The following DLG4 variants were observed in gnomAD, a reference collection of about 807,000 sequenced individuals.
The protein encoded by DLG4 is discs large MAGUK scaffold protein 4.
A neutral mutation model predicts 93.8 loss-of-function variants in DLG4; 7 were observed. The observed-to-expected ratio is 0.07, with a 90% confidence interval of 0.04 to 0.14. The LOEUF (loss-of-function observed/expected upper bound fraction) is 0.14. Among genes scored for constraint, DLG4 ranks in the 10% least tolerant of loss-of-function variants. The pLI is 1.00. For missense variants in DLG4, 545 were observed against 992.9 expected (o/e 0.55, Z 6.06); for synonymous variants, 341 against 387.6 (o/e 0.88, Z 1.41).
chr17:7,209,025 G>A (rs2070607145), intron 1 of DLG4, among the ~76,000 whole-genome samples: 1 of 152,184 alleles, frequency 6.6e-6, no homozygotes, highest in Non-Finnish European at 1.5e-5. Context: ...GCATGGGCTG[G>A]GGGAGGAAGG....
In DLG4 at chr17:7,194,402, A is replaced by G; in HGVS notation, c.1395T>C (p.Ala465=). Residue 465 remains alanine (A), a synonymous_variant, in exon 12 of 20, where the codon GCT becomes GCC. Coordinates refer to ENST00000399506, the MANE Select transcript of DLG4 (RefSeq NM_001321075.3). This position sits in a 1 kb window ranked among gnomAD's most constrained non-coding sequence, Gnocchi z 4.4. The part of the protein sequence containing the change: ...RFGDVLHVID[A]SDEEWWQARR... ...GTGCCTGCCACCACTCCTCATCACT[A>G]GCATCGATGACATGCAGCACATCCC... 6.2e-7 allele frequency: 1 copy of G among 1,613,016 alleles called. No individual in the cohort carries two copies. The highest frequency in any genetic ancestry group is 1.1e-5 in the South Asian group (1 of 90,780).
chr17:7,217,593 G>T lies in DLG4; in HGVS notation c.-446C>A. ...GTTGGAAACGGCAGCGGCCGAGGGA[G>T]CCGTGGAGCCGAAGAGGGAAGGGGA... On this transcript the variant is annotated 5_prime_UTR_variant, in exon 1 of 20. Transcript: ENST00000399506. 3.6e-6 allele frequency: 5 copies of T among 1,388,100 alleles called. No individual in the cohort carries two copies. The highest frequency in any genetic ancestry group is 4.7e-6 in the Non-Finnish European group (5 of 1,064,678). The allele number at this position is 1,388,100 out of a possible 1,614,324, so 86.0% of individuals were successfully genotyped here.
rs1399615004 is a variant in DLG4 at position 7,187,971 on chromosome 17, G to A, written c.*2737C>T. ...TGTAATCCCAGCTACTTGGGAAGCT[G>A]AGGCAGGAGAATCACTTGAACCCTG... On this transcript the variant is annotated 3_prime_UTR_variant, in exon 20 of 20. Transcript: ENST00000399506. 1.3e-5 allele frequency among the ~76,000 whole-genome samples: 2 copies of A among 151,902 alleles called. No homozygotes were observed. The highest frequency in any genetic ancestry group is 2.9e-5 in the Non-Finnish European group (2 of 68,008).
At chr17:7,207,722 GCGCACGCA>G (rs58327370) in intron 2 of DLG4, among the ~76,000 whole-genome samples, 1 of 151,450 alleles carries the variant, frequency 6.6e-6, no homozygotes, top group Non-Finnish European at 1.5e-5. Context: ...CACACAAACG[GCGCACGCA>G]CGCACACACA....
At chr17:7,199,253 G>GATCTAGATGCA (rs2069984651) in intron 8 of DLG4, among the ~76,000 whole-genome samples, 1 of 151,732 alleles carries the variant, frequency 6.6e-6, no homozygotes. Flanking sequence ...AGGCTGGTGT[G>GATCTAGATGCA]CAGTGGTGCG....
chr17:7,219,768 G>C (rs2071091173), upstream of DLG4: 2 of 1,482,740 alleles, frequency 1.3e-6, no homozygotes, highest in Non-Finnish European at 1.8e-6. Context: ...AAGGAGTTTG[G>C]GGGAGACGAG....
At chr17:7,202,628 CAGA>C (rs1176743627) in intron 8 of DLG4, 2 of 519,328 alleles carry the variant, frequency 3.9e-6, no homozygotes, top group East Asian at 5.8e-5. Flanking sequence ...TCTGGAAGAG[CAGA>C]AGAATTATCT....
At chr17:7,211,654 G>A (rs1341763887) in intron 1 of DLG4, 1 of 982,302 alleles carries the variant, frequency 1.0e-6, no homozygotes, top group Non-Finnish European at 1.2e-6. Flanking sequence ...ACCGCGGCAC[G>A]TACCACGCAG....
intron 2 of DLG4, among the ~76,000 whole-genome samples, chr17:7,207,185 G>A (rs1161561974): frequency 1.3e-5 from 2 of 152,000 alleles, no homozygotes; most frequent in Admixed American, 6.6e-5. Flanking sequence ...GGAAAAGAGG[G>A]AAGGTGAAGA....
intron 8 of DLG4, among the ~76,000 whole-genome samples, chr17:7,201,056 G>T (rs535262466): frequency 6.6e-6 from 1 of 151,510 alleles, no homozygotes; most frequent in South Asian, 2.1e-4. Context: ...TAGAGACAGC[G>T]TTTCTCCATG....
rs373107787 is a variant in DLG4 at position 7,193,055 on chromosome 17, G to A, written c.1756C>T (p.Arg586Trp). Residue 586 changes from arginine to tryptophan, a missense_variant, in exon 17 of 20, where the codon CGG (arginine) becomes TGG (tryptophan). Arg to Trp is a moderately radical substitution (Grantham distance 101). Transcript: ENST00000399506. The surrounding 1 kb of genome is among the most constrained non-coding windows in gnomAD (Gnocchi z 6.7). ...DGRDYHFVSSREKMEKDIQAH... is the reference protein window; with the variant it reads ...DGRDYHFVSSWEKMEKDIQAH... ...TGAATGTCCTTCTCCATTTTCTCCCGGGACGACACAAAGTGGTAATCCCGG... is the reference window on the plus strand; with the variant it reads ...TGAATGTCCTTCTCCATTTTCTCCCAGGACGACACAAAGTGGTAATCCCGG... 1 of 1,613,598 alleles carries A rather than the reference G, an allele frequency of 6.2e-7. No individual in the cohort carries two copies. Among genetic ancestry groups the A allele is most frequent in the Non-Finnish European group, 8.5e-7 (1 of 1,179,776 alleles).
chr17:7,191,810 G>A lies in DLG4; in HGVS notation c.1976+83C>T. 1.0e-6 allele frequency: 1 copy of A among 986,932 alleles called. No individual in the cohort carries two copies. Among genetic ancestry groups the A allele is most frequent in the Non-Finnish European group, 1.5e-6 (1 of 682,720 alleles). 61.1% of individuals were successfully genotyped at this position (986,932 alleles called of 1,614,324 possible). On this transcript the variant is annotated intron_variant, in intron 18 of 19. Transcript: ENST00000399506. This position sits in a 1 kb window ranked among gnomAD's most constrained non-coding sequence, Gnocchi z 6.6. ...AAACCGCTGTCCAGGGTTCTGAAGGGAGAGTTGAACGCAGACGCCTTGTGA... is the reference window on the plus strand; with the variant it reads ...AAACCGCTGTCCAGGGTTCTGAAGGAAGAGTTGAACGCAGACGCCTTGTGA...
chr17:7,197,118 C>G, intron 8 of DLG4, 66 bp from the exon 9 acceptor site: 3 of 1,474,880 alleles, frequency 2.0e-6, no homozygotes, highest in South Asian at 2.7e-5. Flanking sequence ...CAACCTTCTC[C>G]CCAGGGTGCC....
chr17:7,213,313 TG>T (rs1156956553), intron 1 of DLG4, among the ~76,000 whole-genome samples: 1 of 152,066 alleles, frequency 6.6e-6, no homozygotes, highest in Non-Finnish European at 1.5e-5. Flanking sequence ...TTGGCCAGGC[TG>T]GTCTCGAACT....
At chr17:7,218,550 C>A (rs372479041), upstream of DLG4, 23 of 1,560,582 alleles carry the variant, frequency 1.5e-5, no homozygotes, top group Non-Finnish European at 1.8e-5. Context: ...CCCAGCAAGG[C>A]CTGGAAGAGG....
chr17:7,208,060 A>C lies in DLG4; in HGVS notation c.96+114T>G. 1 of 1,301,150 alleles carries C rather than the reference A, an allele frequency of 7.7e-7. No homozygotes were observed. The highest frequency in any genetic ancestry group is 9.8e-7 in the Non-Finnish European group (1 of 1,017,042). 80.6% of individuals were successfully genotyped at this position (1,301,150 alleles called of 1,614,324 possible). ...CGAGGGCCGCACTGGGGAGGGGGCC[A>C]CCAGGGTCTCCTACCTTGAAGGGGG... On this transcript the variant is annotated intron_variant, in intron 2 of 19. Transcript: ENST00000399506. This position sits in a 1 kb window ranked among gnomAD's most constrained non-coding sequence, Gnocchi z 5.4.
In DLG4 at chr17:7,217,509, G is replaced by T; in HGVS notation, c.-362C>A. 1 of 248,492 alleles carries T rather than the reference G, an allele frequency of 4.0e-6. No individual in the cohort carries two copies. The highest frequency in any genetic ancestry group is 6.0e-6 in the Non-Finnish European group (1 of 165,706). The allele number at this position is 248,492 out of a possible 1,614,324, so 15.4% of individuals were successfully genotyped here. On this transcript the variant is annotated 5_prime_UTR_variant, in exon 1 of 20. Coordinates refer to ENST00000399506, the MANE Select transcript of DLG4 (RefSeq NM_001321075.3). Reference sequence around the variant, plus strand: ...GGATTTCGGGGAGCCCCGGGGTAGGGGGGGGTCTTGCCAAACGGCCAGGGG... The same window carrying T: ...GGATTTCGGGGAGCCCCGGGGTAGGTGGGGGTCTTGCCAAACGGCCAGGGG...
At position 7,208,149 on chromosome 17, in the gene DLG4, C is replaced by G. The variant is rs752483333; in HGVS notation, c.96+25G>C. Reference sequence around the variant, plus strand: ...AGGTGGGACAAGTTCCTCTCCGCCACGTGCACCAGCTCGGGGGCGTTTACC... The same window carrying G: ...AGGTGGGACAAGTTCCTCTCCGCCAGGTGCACCAGCTCGGGGGCGTTTACC... On this transcript the variant is annotated intron_variant, in intron 2 of 19. Coordinates refer to ENST00000399506, the MANE Select transcript of DLG4 (RefSeq NM_001321075.3). This position sits in a 1 kb window ranked among gnomAD's most constrained non-coding sequence, Gnocchi z 5.4. The G allele has an allele frequency of 3.0e-6, 4 of 1,318,650 alleles. No individual in the cohort carries two copies. The highest frequency in any genetic ancestry group is 3.9e-6 in the Non-Finnish European group (4 of 1,024,198). 81.7% of individuals were successfully genotyped at this position (1,318,650 alleles called of 1,614,324 possible). A position where few individuals can be genotyped will look rare whatever the true frequency, so the allele number is the denominator to read the frequency against.
chr17:7,215,140 G>A (rs1845438515), intron 1 of DLG4, among the ~76,000 whole-genome samples: 1 of 152,184 alleles, frequency 6.6e-6, no homozygotes, highest in South Asian at 2.1e-4. Flanking sequence ...CTAACATTGA[G>A]GGATCTGGTG....
Sources: gnomAD v4.1 joint callset for allele counts (sites outside exome capture counted in the v4.1 genomes callset) on GRCh38, gnomAD v4.1.1 for gene constraint, Gnocchi (gnomAD v3.1) non-coding constraint, MANE v1.5 for transcripts, NCBI Gene and HGNC (gene_info 2026-07-23, HGNC 2026-07-21) for gene names.